Variants in TNFRSF10B observed in about 807,000 individuals in gnomAD.
The protein encoded by TNFRSF10B is TNF receptor superfamily member 10b.
In TNFRSF10B, 35 loss-of-function variants were observed where a neutral mutation model predicts 41.4. The observed-to-expected ratio is 0.85, with a 90% CI of 0.65 to 1.12. TNFRSF10B has a LOEUF of 1.12. TNFRSF10B is among the 50% of genes most tolerant of loss of function. The pLI is 0.00. For synonymous variants in TNFRSF10B, 230 were observed against 215.5 expected (o/e 1.07, Z -0.59); for missense variants, 584 against 552.7 (o/e 1.06, Z -0.57).
At position 23,021,689 on chromosome 8, in the gene TNFRSF10B, T is replaced by C; in HGVS notation, c.*982A>G. ...CAGTTCTCTTTGGTCCCGACTCATA[T>C]GTAAACAACTACCTATAAATAATAC... On this transcript the variant is annotated 3_prime_UTR_variant, in exon 9 of 9. Transcript: ENST00000276431. 1 of 454,136 alleles carries C rather than the reference T, an allele frequency of 2.2e-6. No homozygotes were observed. Among genetic ancestry groups the C allele is most frequent in the Non-Finnish European group, 4.4e-6 (1 of 226,794 alleles). 28.1% of individuals were successfully genotyped at this position (454,136 alleles called of 1,614,324 possible).
intron 5 of TNFRSF10B, 50 bp from the exon 6 acceptor site, chr8:23,027,803 C>T (rs900105943): frequency 7.5e-6 from 12 of 1,610,246 alleles, no homozygotes; most frequent in African/African-American, 5.3e-5. Flanking sequence ...CCATGAAGCA[C>T]CCCCCTCCCA....
chr8:23,028,243 C>T, intron 5 of TNFRSF10B, 88 bp downstream of exon 5: 1 of 1,584,292 alleles, frequency 6.3e-7, no homozygotes, highest in Non-Finnish European at 8.6e-7. Flanking sequence ...AGACTTGGGG[C>T]AGGGGCAGGC....
rs1481179846 is a variant in TNFRSF10B at position 23,022,187 on chromosome 8, G to A, written c.*484C>T. On this transcript the variant is annotated 3_prime_UTR_variant, in exon 9 of 9. Transcript: ENST00000276431. ...AGGTGGGAGAATCGCTTGAGCCTGAGAGGTCAAGGCTATAGTGAGCCAAGA... is the reference window on the plus strand; with the variant it reads ...AGGTGGGAGAATCGCTTGAGCCTGAAAGGTCAAGGCTATAGTGAGCCAAGA... The A allele has an allele frequency of 2.2e-6, 1 of 450,556 alleles. No individual in the cohort carries two copies. Among genetic ancestry groups the A allele is most frequent in the Admixed American group, 2.4e-5 (1 of 42,458 alleles). The allele number at this position is 450,556 out of a possible 1,614,324, so 27.9% of individuals were successfully genotyped here. A position where few individuals can be genotyped will look rare whatever the true frequency, so the allele number is the denominator to read the frequency against.
chr8:23,057,766 T>G (rs1030004009), intron 1 of TNFRSF10B, among the ~76,000 whole-genome samples: 1 of 152,256 alleles, frequency 6.6e-6, no homozygotes, highest in African/African-American at 2.4e-5. Flanking sequence ...ATGATTATTA[T>G]GTCTACCAGA....
chr8:23,068,710 G>T, intron 1 of TNFRSF10B, 41 bp downstream of exon 1: 1 of 1,547,830 alleles, frequency 6.5e-7, no homozygotes, highest in Non-Finnish European at 8.7e-7. Flanking sequence ...CCAGGCGCCA[G>T]GCACGCTCTT....
chr8:23,034,650 C>G (rs1212747069), intron 2 of TNFRSF10B, among the ~76,000 whole-genome samples: 2 of 152,134 alleles, frequency 1.3e-5, no homozygotes, highest in African/African-American at 4.8e-5. Flanking sequence ...TTGCCTGAGC[C>G]CAGGAGTTCA....
chr8:23,054,895 G>A (rs1214130872), intron 1 of TNFRSF10B, among the ~76,000 whole-genome samples: 1 of 152,112 alleles, frequency 6.6e-6, no homozygotes, highest in Non-Finnish European at 1.5e-5. Flanking sequence ...TATTCTTGCT[G>A]CACGGTATAT....
chr8:23,050,845 G>A (rs935954420), intron 1 of TNFRSF10B, among the ~76,000 whole-genome samples: 11 of 152,076 alleles, frequency 7.2e-5, no homozygotes, highest in Admixed American at 5.2e-4. Context: ...AGGCCGAGGC[G>A]GGCTGATCAC....
rs1165775680 is a variant in TNFRSF10B at position 23,020,401 on chromosome 8, T to C, written c.*2270A>G. ...TTTCATGTCGTCAGGAAGCTTACTTTAAAAGAATAGCTTGGCCTGGCTGGT... is the reference window on the plus strand; with the variant it reads ...TTTCATGTCGTCAGGAAGCTTACTTCAAAAGAATAGCTTGGCCTGGCTGGT... On this transcript the variant is annotated 3_prime_UTR_variant, in exon 9 of 9. Transcript: ENST00000276431. 6.6e-6 allele frequency: 3 copies of C among 454,056 alleles called. No individual in the cohort carries two copies. The highest frequency in any genetic ancestry group is 8.8e-6 in the Non-Finnish European group (2 of 226,782). The allele number at this position is 454,056 out of a possible 1,614,324, so 28.1% of individuals were successfully genotyped here.
intron 6 of TNFRSF10B, 145 bp from the exon 7 acceptor site, chr8:23,027,433 C>T: frequency 3.9e-6 from 4 of 1,027,746 alleles, no homozygotes; most frequent in Non-Finnish European, 5.8e-6. Flanking sequence ...TCAGCACATC[C>T]AGGACCCGCT....
chr8:23,065,341 G>C (rs1362199037), intron 1 of TNFRSF10B, among the ~76,000 whole-genome samples: 3 of 152,200 alleles, frequency 2.0e-5, no homozygotes, highest in African/African-American at 7.2e-5. Context: ...TGTAGTCTCT[G>C]TTGAGAACCA....
chr8:23,036,508 T>A (rs1005690053), intron 2 of TNFRSF10B, among the ~76,000 whole-genome samples: 1 of 152,186 alleles, frequency 6.6e-6, no homozygotes, highest in Non-Finnish European at 1.5e-5. Context: ...GTTTGCAGCA[T>A]CACATCCACT....
rs749588293 is a variant in TNFRSF10B at position 23,068,963 on chromosome 8, G to A, written c.-69C>T. On this transcript the variant is annotated 5_prime_UTR_variant, in exon 1 of 9. In the 5' UTR this introduces an upstream ATG that the reference lacks. Transcript: ENST00000276431. ...CAGCCCTTAAAGTAGATCGGGCATCGTCGGTGTATTTTGTGGGCGCAGAGA... is the reference window on the plus strand; with the variant it reads ...CAGCCCTTAAAGTAGATCGGGCATCATCGGTGTATTTTGTGGGCGCAGAGA... 1.3e-5 allele frequency: 21 copies of A among 1,610,590 alleles called. No individual in the cohort carries two copies. Among genetic ancestry groups the A allele is most frequent in the East Asian group, 2.2e-5 (1 of 44,860 alleles).
chr8:23,029,209 T>C (rs931937265), intron 4 of TNFRSF10B, among the ~76,000 whole-genome samples: 1 of 152,212 alleles, frequency 6.6e-6, no homozygotes, highest in Admixed American at 6.5e-5. Context: ...TGGGCACTTT[T>C]GTCTTTATGG....
chr8:23,055,521 T>TAAA lies in TNFRSF10B; in HGVS notation c.145-12281_145-12279dup, dbSNP rs34761330. Reference sequence around the variant, plus strand: ...GTGCTTAAGTTAACTATTAAATGCTTAAAAAAAAAAAAAAAAAAGCCAGTG... The same window carrying TAAA: ...GTGCTTAAGTTAACTATTAAATGCTTAAAAAAAAAAAAAAAAAAAAAGCCAGTG... On this transcript the variant is annotated intron_variant, in intron 1 of 8. Coordinates refer to ENST00000276431, the MANE Select transcript of TNFRSF10B (RefSeq NM_003842.5). 3.5e-3 allele frequency among the ~76,000 whole-genome samples: 427 copies of TAAA among 120,522 alleles called. 7 individuals carry two copies. Among genetic ancestry groups the TAAA allele is most frequent in the South Asian group, 0.026 (91 of 3,510 alleles). The allele number at this position is 120,522 out of a possible 152,430, so 79.1% of individuals were successfully genotyped here. A position where few individuals can be genotyped will look rare whatever the true frequency, so the allele number is the denominator to read the frequency against.
At chr8:23,028,276 T>G (rs1811771029) in intron 5 of TNFRSF10B, 55 bp downstream of exon 5, 6 of 1,606,102 alleles carry the variant, frequency 3.7e-6, no homozygotes, top group Non-Finnish European at 5.1e-6. Context: ...GGGAATAGGG[T>G]GGGAGGGGGC....
intron 1 of TNFRSF10B, among the ~76,000 whole-genome samples, chr8:23,064,093 C>T (rs1051869184): frequency 6.6e-6 from 1 of 152,254 alleles, no homozygotes; most frequent in Non-Finnish European, 1.5e-5. Flanking sequence ...CTTTCCTTAG[C>T]ACAGTTTCCA....
intron 8 of TNFRSF10B, among the ~76,000 whole-genome samples, chr8:23,023,198 C>T (rs1000252443): frequency 2.0e-5 from 3 of 151,768 alleles, no homozygotes; most frequent in African/African-American, 7.3e-5. Context: ...GAGTCAAAGT[C>T]GTCAGAGAAT....
rs1293927617 is a variant in TNFRSF10B, at chr8:23,031,383, TTA to T, written c.251-513_251-512del. Among the ~76,000 whole-genome samples the T allele has an allele frequency of 7.5e-5, 11 of 147,140 alleles. No homozygotes were observed. In the East Asian group the frequency reaches 2.2e-3, roughly 29 times the overall value. ...GAGCCACTGCACCCGGCCTATTTAT[TTA>T]TTTATTTATTTATTTATTTATTTAT... On this transcript the variant is annotated intron_variant, in intron 2 of 8. Transcript: ENST00000276431.
Sources: gnomAD v4.1 joint callset for allele counts (sites outside exome capture counted in the v4.1 genomes callset) on GRCh38, gnomAD v4.1.1 for gene constraint, MANE v1.5 for transcripts, NCBI Gene and HGNC (gene_info 2026-07-23, HGNC 2026-07-21) for gene names.